TMEM132C: variants seen among roughly 807,000 people sequenced by gnomAD.
TMEM132C encodes protein phosphatase 1, regulatory subunit 152.
Under a neutral mutation model 61.4 loss-of-function variants are expected in TMEM132C, and 29 were observed. That is an observed-to-expected ratio of 0.47 (90% confidence interval 0.35 to 0.64). The LOEUF is 0.64. Ranked by LOEUF, TMEM132C falls within the 30% of genes least tolerant of loss-of-function variation. The probability of loss-of-function intolerance (pLI) is 0.00; values close to 1 mark genes in which losing one functional copy is unlikely to be tolerated. For synonymous variants in TMEM132C, 656 were observed against 633.1 expected (o/e 1.04, Z -0.54); for missense variants, 1,408 against 1,476.9 (o/e 0.95, Z 0.76).
intron 2 of TMEM132C, among the ~76,000 whole-genome samples, chr12:128,530,448 C>CTT (rs398056093): frequency 5.5e-5 from 8 of 144,610 alleles, no homozygotes; most frequent in African/African-American, 1.3e-4. Flanking sequence ...ACTTCTTTTT[C>CTT]TTTTTTTTTT....
chr12:128,643,156 T>A (rs930727280), intron 4 of TMEM132C, among the ~76,000 whole-genome samples: 13 of 152,310 alleles, frequency 8.5e-5, no homozygotes, highest in African/African-American at 3.1e-4. Flanking sequence ...GAGGCTTTTA[T>A]TTGTCCAATA....
chr12:128,371,884 T>G (rs1216734158), intron 1 of TMEM132C, among the ~76,000 whole-genome samples: 1 of 152,216 alleles, frequency 6.6e-6, no homozygotes, highest in African/African-American at 2.4e-5. Context: ...CAGCCTCTTT[T>G]TGTCATGTAA....
chr12:128,271,264 TAATATAATAATA>T (rs1395469334), intron 1 of TMEM132C, among the ~76,000 whole-genome samples: 1 of 92,500 alleles, frequency 1.1e-5, no homozygotes, highest in Non-Finnish European at 2.1e-5. Context: ...AAAATAATAA[TAATATAATAATA>T]ATAATAATAA....
chr12:128,696,167 A>G (rs1954761965), intron 7 of TMEM132C, 64 bp downstream of exon 7: 4 of 1,504,860 alleles, frequency 2.7e-6, no homozygotes, highest in Non-Finnish European at 3.6e-6. Context: ...AGGGAGAGTC[A>G]ATGGGTGGGC....
intron 3 of TMEM132C, among the ~76,000 whole-genome samples, chr12:128,610,644 G>A (rs1876600277): frequency 6.6e-6 from 1 of 152,152 alleles, no homozygotes; most frequent in African/African-American, 2.4e-5. Context: ...CCCCATATGA[G>A]CTGATGTGAA....
chr12:128,431,256 G>A (rs1171958614), intron 2 of TMEM132C, among the ~76,000 whole-genome samples: 2 of 152,230 alleles, frequency 1.3e-5, no homozygotes, highest in Non-Finnish European at 2.9e-5. Context: ...GCCTAATCCA[G>A]AGCATGGCTC....
chr12:128,271,272 TAATAATA>T (rs1566037274), intron 1 of TMEM132C, among the ~76,000 whole-genome samples: 6 of 31,950 alleles, frequency 1.9e-4, no homozygotes, highest in African/African-American at 1.1e-3. Flanking sequence ...AATAATATAA[TAATAATA>T]ATAATAATAA....
chr12:128,565,038 C>T (rs369217821), intron 3 of TMEM132C, among the ~76,000 whole-genome samples: 28 of 152,260 alleles, frequency 1.8e-4, no homozygotes, highest in African/African-American at 5.5e-4. Context: ...TCTAACTAAC[C>T]AATAGTGATA....
chr12:128,519,276 C>T (rs990105622), intron 2 of TMEM132C, among the ~76,000 whole-genome samples: 1 of 152,124 alleles, frequency 6.6e-6, no homozygotes, highest in African/African-American at 2.4e-5. Context: ...AGAAGGTGAC[C>T]ACATTTTATT....
At chr12:128,341,326 A>G (rs1872972459) in intron 1 of TMEM132C, among the ~76,000 whole-genome samples, 1 of 152,210 alleles carries the variant, frequency 6.6e-6, no homozygotes, top group Non-Finnish European at 1.5e-5. Flanking sequence ...TATTTTTACC[A>G]ATTGTTGGAA....
chr12:128,452,578 T>TG lies in TMEM132C; in HGVS notation c.974+36965dup, dbSNP rs1409863339. On this transcript the variant is annotated intron_variant, in intron 2 of 8. Coordinates refer to ENST00000435159, the MANE Select transcript of TMEM132C (RefSeq NM_001136103.3). ...TGCCTCTCGTCGCAGCTGCTGTTGG[T>TG]GGGGGGGTTGTAGGGGGCCGGGTGC... 1.6e-4 allele frequency among the ~76,000 whole-genome samples: 12 copies of TG among 74,642 alleles called. No individual in the cohort carries two copies. The South Asian group carries it at 1.8e-3, about 11-fold the overall frequency. The allele number at this position is 74,642 out of a possible 152,430, so 49.0% of individuals were successfully genotyped here.
chr12:128,562,748 G>A (rs1187064716), intron 3 of TMEM132C, among the ~76,000 whole-genome samples: 2 of 152,322 alleles, frequency 1.3e-5, no homozygotes, highest in Non-Finnish European at 2.9e-5. Flanking sequence ...CATGGTGGGT[G>A]TAGATTGAGT....
At chr12:128,669,027 A>G (rs1219498707) in intron 4 of TMEM132C, among the ~76,000 whole-genome samples, 1 of 152,250 alleles carries the variant, frequency 6.6e-6, no homozygotes, top group Non-Finnish European at 1.5e-5. Context: ...TATCTTTTGC[A>G]GGAGGTGAGA....
At chr12:128,334,311 C>T (rs1442698950) in intron 1 of TMEM132C, among the ~76,000 whole-genome samples, 1 of 152,160 alleles carries the variant, frequency 6.6e-6, no homozygotes, top group Non-Finnish European at 1.5e-5. Context: ...CGCCCACCCA[C>T]CATGTCCTCG....
At chr12:128,673,259 G>A (rs1954550894) in intron 5 of TMEM132C, among the ~76,000 whole-genome samples, 1 of 152,206 alleles carries the variant, frequency 6.6e-6, no homozygotes. Context: ...ACTCTTATAA[G>A]AAGAGGAAAA....
At chr12:128,669,735 CA>C (rs1200979683) in intron 5 of TMEM132C, among the ~76,000 whole-genome samples, 175 bp downstream of exon 5, 1 of 152,210 alleles carries the variant, frequency 6.6e-6, no homozygotes, top group Non-Finnish European at 1.5e-5. Flanking sequence ...GTTTTCACAT[CA>C]TGCCAACCTG....
chr12:128,586,631 T>TTC (rs1406726397), intron 3 of TMEM132C, among the ~76,000 whole-genome samples: 23 of 152,004 alleles, frequency 1.5e-4, no homozygotes, highest in African/African-American at 3.9e-4. Flanking sequence ...CCTTGTTTTG[T>TTC]TCTCTCTCTC....
chr12:128,286,776 C>T (rs1218237232), intron 1 of TMEM132C, among the ~76,000 whole-genome samples: 1 of 152,140 alleles, frequency 6.6e-6, no homozygotes, highest in Non-Finnish European at 1.5e-5. Context: ...CCAGTCCATG[C>T]AGCTGGAGTT....
intron 1 of TMEM132C, among the ~76,000 whole-genome samples, chr12:128,404,176 C>CAGGA (rs1875259930): frequency 6.6e-6 from 1 of 152,196 alleles, no homozygotes; most frequent in African/African-American, 2.4e-5. Context: ...AACAATTCCA[C>CAGGA]TTGTGCCTGT....
Sources: allele counts gnomAD v4.1 joint callset (sites outside exome capture counted in the v4.1 genomes callset), GRCh38; gene constraint gnomAD v4.1.1; transcripts MANE v1.5; gene names NCBI Gene and HGNC (gene_info 2026-07-23, HGNC 2026-07-21).